The following MCTP2 variants were observed in gnomAD, a reference collection of about 807,000 sequenced individuals.
MCTP2 encodes multiple C2 and transmembrane domain containing 2.
In MCTP2, 132 loss-of-function variants were observed where a neutral mutation model predicts 111.6. That is an observed-to-expected ratio of 1.18 (90% CI 1.03 to 1.37). MCTP2 has a LOEUF of 1.37. Ranked by LOEUF, MCTP2 falls within the 40% of genes most tolerant of loss-of-function variation. The pLI is 0.00. For synonymous variants in MCTP2, 395 were observed against 387.7 expected (o/e 1.02, Z -0.22); for missense variants, 1,183 against 1,067.9 (o/e 1.11, Z -1.50).
chr15:94,424,669 TG>T (rs2082793784), intron 17 of MCTP2, among the ~76,000 whole-genome samples: 1 of 152,212 alleles, frequency 6.6e-6, no homozygotes, highest in Non-Finnish European at 1.5e-5. Context: ...AAGTGATTAT[TG>T]AACCATCAGC....
At chr15:94,442,099 A>C (rs74356843) in intron 18 of MCTP2, among the ~76,000 whole-genome samples, 73 of 152,372 alleles carry the variant, frequency 4.8e-4, no homozygotes, top group Non-Finnish European at 8.7e-4. Context: ...GTGACATCTG[A>C]ACAGCGTGCC....
chr15:94,380,738 A>C (rs559332454), intron 12 of MCTP2, among the ~76,000 whole-genome samples: 2 of 152,052 alleles, frequency 1.3e-5, no homozygotes, highest in East Asian at 3.9e-4. Context: ...ACTTCACTCT[A>C]GCCTAGGCAA....
chr15:94,292,111 A>G (rs181196828), intron 1 of MCTP2, among the ~76,000 whole-genome samples: 8 of 152,378 alleles, frequency 5.3e-5, no homozygotes, highest in East Asian at 1.9e-4. Context: ...GTAGAAATGT[A>G]TGATACTGAA....
At chr15:94,284,613 C>A (rs1282005165) in intron 1 of MCTP2, among the ~76,000 whole-genome samples, 3 of 152,112 alleles carry the variant, frequency 2.0e-5, no homozygotes, top group East Asian at 3.8e-4. Context: ...GTTTATATAT[C>A]CCTAAATAAT....
At chr15:94,450,986 C>T (rs1290250065) in intron 19 of MCTP2, among the ~76,000 whole-genome samples, 1 of 152,150 alleles carries the variant, frequency 6.6e-6, no homozygotes, top group African/African-American at 2.4e-5. Flanking sequence ...GTTTATTGCA[C>T]CTATGGTGCT....
chr15:94,296,402 C>T (rs1017068724), intron 1 of MCTP2, among the ~76,000 whole-genome samples: 2 of 152,146 alleles, frequency 1.3e-5, no homozygotes, highest in African/African-American at 4.8e-5. Flanking sequence ...TTTTAAAAGT[C>T]GCTAACATTG....
chr15:94,412,015 T>C (rs1286011532), intron 17 of MCTP2, among the ~76,000 whole-genome samples: 1 of 152,142 alleles, frequency 6.6e-6, no homozygotes, highest in Non-Finnish European at 1.5e-5. Context: ...GTGGGCCCCA[T>C]TGGTGTTAGG....
In MCTP2 at chr15:94,340,209, G is replaced by A. The variant is rs1425029188; in HGVS notation, c.791G>A (p.Arg264Gln). ...DQKLRVKVYDRDLTTSDFMGS... is the reference protein window; with the variant it reads ...DQKLRVKVYDQDLTTSDFMGS... Reference sequence around the variant, plus strand: ...CTGTCCTCTTTGTAGGTATATGATCGAGATTTAACCACATCTGATTTCATG... The same window carrying A: ...CTGTCCTCTTTGTAGGTATATGATCAAGATTTAACCACATCTGATTTCATG... Residue 264 changes from arginine (R) to glutamine (Q), a missense_variant, in exon 6 of 23, where the codon CGA becomes CAA. Physicochemically the swap from Arg to Gln is conservative, Grantham distance 43. Transcript: ENST00000357742. 1.2e-6 allele frequency: 2 copies of A among 1,611,948 alleles called. No individual in the cohort carries two copies. The highest frequency in any genetic ancestry group is 2.2e-5 in the East Asian group (1 of 44,774).
chr15:94,249,706 C>T (rs2072272644), intron 1 of MCTP2, among the ~76,000 whole-genome samples: 2 of 151,988 alleles, frequency 1.3e-5, no homozygotes, highest in South Asian at 2.1e-4. Flanking sequence ...AGTATGGTCT[C>T]GATCTCCTGA....
chr15:94,246,373 T>C (rs777995816), intron 1 of MCTP2, among the ~76,000 whole-genome samples: 1 of 152,192 alleles, frequency 6.6e-6, no homozygotes, highest in Admixed American at 6.5e-5. Flanking sequence ...CGTCTAATAG[T>C]ACCTACCTTA....
chr15:94,344,349 A>T (rs1004335292), intron 7 of MCTP2, among the ~76,000 whole-genome samples: 1 of 152,190 alleles, frequency 6.6e-6, no homozygotes, highest in African/African-American at 2.4e-5. Flanking sequence ...AAAATAGTAA[A>T]TGTGGTCTGC....
Position 94,315,626 on chromosome 15 carries a change from G to A in MCTP2, c.626G>A (p.Arg209Gln), listed in dbSNP as rs767257496. Residue 209 changes from arginine to glutamine, a missense_variant, in exon 4 of 23, where the codon CGA becomes CAA. Arg to Gln is a conservative substitution (Grantham distance 43). Transcript: ENST00000357742. The part of the protein sequence containing the change: ...HLKEGRNLVV[R>Q]DRCGTSDPYV... ...AAGGAAGGCCGGAACCTGGTTGTCCGAGATCGCTGTGGTAAGACCTGGGTC... is the reference window on the plus strand; with the variant it reads ...AAGGAAGGCCGGAACCTGGTTGTCCAAGATCGCTGTGGTAAGACCTGGGTC... The A allele has an allele frequency of 5.0e-6, 8 of 1,613,620 alleles. No individual in the cohort carries two copies. The highest frequency in any genetic ancestry group is 1.6e-4 in the Middle Eastern group (1 of 6,080).
At chr15:94,238,724 G>A (rs2070732958) in intron 1 of MCTP2, among the ~76,000 whole-genome samples, 1 of 152,150 alleles carries the variant, frequency 6.6e-6, no homozygotes, top group Admixed American at 6.5e-5. Flanking sequence ...AGCAGGTGGT[G>A]AGGGCCACAT....
At chr15:94,367,842 A>G in intron 11 of MCTP2, 51 bp downstream of exon 11, 6 of 1,463,520 alleles carry the variant, frequency 4.1e-6, no homozygotes, top group Non-Finnish European at 5.6e-6. Flanking sequence ...CTTCTCTTTT[A>G]AAACAAAGTC....
chr15:94,447,811 CTT>C (rs2084207897), intron 19 of MCTP2, among the ~76,000 whole-genome samples: 1 of 152,160 alleles, frequency 6.6e-6, no homozygotes, highest in South Asian at 2.1e-4. Flanking sequence ...CAGAGAGTAT[CTT>C]TGAATGGTTA....
chr15:94,461,459 CA>C, intron 20 of MCTP2, among the ~76,000 whole-genome samples: 1 of 151,964 alleles, frequency 6.6e-6, no homozygotes, highest in Admixed American at 6.6e-5. Flanking sequence ...GACTCCAGCT[CA>C]AAAAAGCAAA....
intron 2 of MCTP2, among the ~76,000 whole-genome samples, chr15:94,309,859 A>G (rs1476965462): frequency 1.3e-5 from 2 of 152,224 alleles, no homozygotes; most frequent in African/African-American, 2.4e-5. Flanking sequence ...AAAAACACAA[A>G]TGAAAAACAC....
intron 22 of MCTP2, among the ~76,000 whole-genome samples, chr15:94,477,062 C>A (rs571199589): frequency 6.6e-6 from 1 of 152,160 alleles, no homozygotes; most frequent in African/African-American, 2.4e-5. Context: ...TGTCCCCTTT[C>A]GATTGCTTGC....
intron 21 of MCTP2, among the ~76,000 whole-genome samples, chr15:94,473,200 A>G (rs2074071489): frequency 6.6e-6 from 1 of 152,212 alleles, no homozygotes. Context: ...GCTATTGGGA[A>G]TATTTTTGGA....
Sources: allele counts gnomAD v4.1 joint callset (sites outside exome capture counted in the v4.1 genomes callset), GRCh38; gene constraint gnomAD v4.1.1; transcripts MANE v1.5; gene names NCBI Gene and HGNC (gene_info 2026-07-23, HGNC 2026-07-21).